Variants in MARCHF1 observed in about 807,000 individuals in gnomAD.
MARCHF1 encodes membrane associated ring-CH-type finger 1.
A neutral mutation model predicts 54.2 loss-of-function variants in MARCHF1; 40 were observed. The observed-to-expected ratio is 0.74, with a 90% CI of 0.57 to 0.96. MARCHF1 has a LOEUF of 0.96. MARCHF1 is among the 40% of genes least tolerant of loss of function. The probability of loss-of-function intolerance (pLI) is 0.00; values close to 1 mark genes in which losing one functional copy is unlikely to be tolerated. For synonymous variants in MARCHF1, 236 were observed against 236.3 expected, an observed-to-expected ratio of 1.00 and a Z score of 0.01; for missense variants, 586 against 656.5, an observed-to-expected ratio of 0.89 and a Z score of 1.17.
chr4:163,688,613 T>C (rs1744344331), intron 5 of MARCHF1, among the ~76,000 whole-genome samples: 1 of 152,210 alleles, frequency 6.6e-6, no homozygotes, highest in Non-Finnish European at 1.5e-5. Context: ...GTATAGTTCA[T>C]CAACCTCACA....
chr4:163,716,823 A>G (rs921185990), intron 4 of MARCHF1, among the ~76,000 whole-genome samples: 9 of 152,174 alleles, frequency 5.9e-5, no homozygotes, highest in African/African-American at 1.9e-4. Flanking sequence ...ACAAATCCAG[A>G]GAGATTTTCT....
At chr4:163,810,700 G>T (rs1405273640) in intron 4 of MARCHF1, among the ~76,000 whole-genome samples, 2 of 152,122 alleles carry the variant, frequency 1.3e-5, no homozygotes, top group Non-Finnish European at 2.9e-5. Flanking sequence ...GTAAAATTTT[G>T]ATTTTCTTTT....
At chr4:164,016,091 T>C (rs1753535602) in intron 2 of MARCHF1, among the ~76,000 whole-genome samples, 1 of 151,972 alleles carries the variant, frequency 6.6e-6, no homozygotes, top group Non-Finnish European at 1.5e-5. Flanking sequence ...ACAAAGAAAA[T>C]ATTATACATA....
At chr4:163,555,293 T>C (rs1219182441) in intron 8 of MARCHF1, among the ~76,000 whole-genome samples, 1 of 152,166 alleles carries the variant, frequency 6.6e-6, no homozygotes, top group Non-Finnish European at 1.5e-5. Flanking sequence ...TTTTTATATA[T>C]GCTGAACTTT....
chr4:164,279,864 G>T (rs908201623), intron 1 of MARCHF1, among the ~76,000 whole-genome samples: 1 of 151,404 alleles, frequency 6.6e-6, no homozygotes, highest in Admixed American at 6.6e-5. Flanking sequence ...TATGGCAAAA[G>T]ATACAAATCA....
At chr4:164,188,452 G>A (rs1731034589) in intron 1 of MARCHF1, 5 of 637,546 alleles carry the variant, frequency 7.8e-6, no homozygotes, top group Non-Finnish European at 1.5e-5. Flanking sequence ...ACAAGGAGGA[G>A]GACGTGGGCA....
chr4:163,634,566 A>G (rs1742241026), intron 5 of MARCHF1, among the ~76,000 whole-genome samples: 1 of 152,006 alleles, frequency 6.6e-6, no homozygotes, highest in Non-Finnish European at 1.5e-5. Context: ...ATATATATGC[A>G]CCCAATATAG....
intron 3 of MARCHF1, among the ~76,000 whole-genome samples, chr4:163,876,238 A>G (rs1750286106): frequency 6.6e-6 from 1 of 152,146 alleles, no homozygotes; most frequent in Non-Finnish European, 1.5e-5. Context: ...AACAAATTGT[A>G]GAATTACTAT....
chr4:164,338,605 A>ATT (rs550297127), intron 1 of MARCHF1, among the ~76,000 whole-genome samples: 4 of 152,222 alleles, frequency 2.6e-5, no homozygotes, highest in African/African-American at 9.7e-5. Flanking sequence ...AGCAGGGGTA[A>ATT]TTATATAAGA....
chr4:163,930,738 T>G (rs908627723), intron 3 of MARCHF1, among the ~76,000 whole-genome samples: 1 of 152,160 alleles, frequency 6.6e-6, no homozygotes, highest in Non-Finnish European at 1.5e-5. Context: ...CATCCTTGTA[T>G]GATTTAGATG....
At chr4:164,213,790 A>G (rs1428186109) in intron 1 of MARCHF1, among the ~76,000 whole-genome samples, 1 of 152,056 alleles carries the variant, frequency 6.6e-6, no homozygotes, top group African/African-American at 2.4e-5. Flanking sequence ...AAATTTAAAT[A>G]TATAAATGAA....
intron 2 of MARCHF1, among the ~76,000 whole-genome samples, chr4:164,036,886 G>T (rs1259626409): frequency 2.0e-5 from 3 of 152,142 alleles, no homozygotes; most frequent in African/African-American, 7.2e-5. Flanking sequence ...GTGAATATAT[G>T]CATACCAAAT....
intron 4 of MARCHF1, among the ~76,000 whole-genome samples, chr4:163,728,911 A>G (rs1319887195): frequency 6.6e-6 from 1 of 152,202 alleles, no homozygotes. Context: ...TCTCACCATT[A>G]AGTATGAGGT....
At chr4:163,987,441 A>C (rs1752889973) in intron 3 of MARCHF1, among the ~76,000 whole-genome samples, 2 of 152,328 alleles carry the variant, frequency 1.3e-5, no homozygotes, top group South Asian at 4.1e-4. Flanking sequence ...TTCTCATTTG[A>C]AGATGTACTC....
intron 1 of MARCHF1, among the ~76,000 whole-genome samples, chr4:164,150,388 C>T (rs975822686): frequency 1.3e-5 from 2 of 152,170 alleles, no homozygotes; most frequent in African/African-American, 4.8e-5. Flanking sequence ...TGCATATAAA[C>T]CCCTCTTTGA....
intron 3 of MARCHF1, among the ~76,000 whole-genome samples, chr4:163,939,083 T>C (rs1276996317): frequency 1.3e-5 from 2 of 152,140 alleles, no homozygotes; most frequent in Non-Finnish European, 2.9e-5. Context: ...ACTGATCATA[T>C]TTGCTAGTAG....
At chr4:164,329,861 TA>T (rs967222882) in intron 1 of MARCHF1, 7 of 152,428 alleles carry the variant, frequency 4.6e-5, no homozygotes, top group African/African-American at 1.4e-4. Flanking sequence ...CCTCATGATC[TA>T]AACACCTCCT....
intron 1 of MARCHF1, among the ~76,000 whole-genome samples, chr4:164,174,605 G>A (rs902640202): frequency 2.6e-5 from 4 of 152,156 alleles, no homozygotes; most frequent in African/African-American, 9.7e-5. Flanking sequence ...TCTCTCTCCA[G>A]GTGCTAGAAA....
intron 5 of MARCHF1, among the ~76,000 whole-genome samples, chr4:163,658,433 T>C (rs2203106): frequency 0.67 from 101,533 of 151,872 alleles, 34,301 homozygotes; most frequent in African/African-American, 0.77. Context: ...GAAATAGGAA[T>C]ACTTTTACAC....
Sources: allele counts gnomAD v4.1 joint callset (sites outside exome capture counted in the v4.1 genomes callset), GRCh38; gene constraint gnomAD v4.1.1; transcripts MANE v1.5; gene names NCBI Gene and HGNC (gene_info 2026-07-23, HGNC 2026-07-21).